SMYD4: variants seen among roughly 807,000 people sequenced by gnomAD.
SMYD4 encodes SET and MYND domain containing 4, also known as protein-lysine N-methyltransferase SMYD4.
Under a neutral mutation model 72.8 loss-of-function variants are expected in SMYD4, and 68 were observed. The observed-to-expected ratio is 0.93, with a 90% CI of 0.77 to 1.14. The LOEUF (loss-of-function observed/expected upper bound fraction) is 1.14. SMYD4 is among the 50% of genes most tolerant of loss of function. The pLI, the probability that SMYD4 is intolerant of heterozygous loss-of-function variation, is 0.00. For synonymous variants in SMYD4, 407 were observed against 388.6 expected, an observed-to-expected ratio of 1.05 and a Z score of -0.56; for missense variants, 984 against 1,003.7, an observed-to-expected ratio of 0.98 and a Z score of 0.27.
chr17:1,824,890 G>T (rs778140875), intron 2 of SMYD4, among the ~76,000 whole-genome samples: 1 of 152,036 alleles, frequency 6.6e-6, no homozygotes, highest in Non-Finnish European at 1.5e-5. Context: ...CTCCCAAAGC[G>T]CTGCGATTAC....
intron 8 of SMYD4, 29 bp downstream of exon 8, chr17:1,784,297 G>T: frequency 6.2e-7 from 1 of 1,613,746 alleles, no homozygotes; most frequent in Non-Finnish European, 8.5e-7. Flanking sequence ...GGAAGGGGCT[G>T]GAGGACCAAA....
At chr17:1,795,866 A>G (rs1397041942) in intron 5 of SMYD4, among the ~76,000 whole-genome samples, 1 of 151,798 alleles carries the variant, frequency 6.6e-6, no homozygotes, top group Non-Finnish European at 1.5e-5. Context: ...ATGTTAAAAA[A>G]TCAGAAAAGT....
chr17:1,821,008 G>C (rs1910858543), intron 2 of SMYD4, among the ~76,000 whole-genome samples: 1 of 152,166 alleles, frequency 6.6e-6, no homozygotes, highest in Non-Finnish European at 1.5e-5. Flanking sequence ...GTATGAATTA[G>C]TGAGAGACAT....
chr17:1,799,408 C>T (rs1445690972), intron 5 of SMYD4, among the ~76,000 whole-genome samples: 1 of 150,182 alleles, frequency 6.7e-6, no homozygotes, highest in Non-Finnish European at 1.5e-5. Flanking sequence ...CTCACTCTGT[C>T]GCCAGGCTGG....
chr17:1,812,072 A>T lies in SMYD4; in HGVS notation c.178T>A (p.Leu60Met), dbSNP rs531137256. The change falls in exon 3 of 11, where the codon TTG becomes ATG. Residue 60 changes from leucine (L) to methionine (M), a missense_variant. By Grantham distance (15) the Leu-to-Met change is conservative. Transcript: ENST00000305513. ...LFLKRLSKGY[L>M]VGKDSDAPLF... The stretch of plus-strand genomic sequence containing the variant: ...GGAGCGTCCGAGTCCTTTCCCACCA[A>T]GTAACCTTTAGAAAGTCTTTTTAGA... 1 of 1,614,130 alleles carries T rather than the reference A, an allele frequency of 6.2e-7. No individual in the cohort carries two copies. The highest frequency in any genetic ancestry group is 1.3e-5 in the African/African-American group (1 of 75,046).
chr17:1,825,792 C>T (rs946262589), intron 2 of SMYD4, among the ~76,000 whole-genome samples: 6 of 151,672 alleles, frequency 4.0e-5, no homozygotes, highest in African/African-American at 1.2e-4. Flanking sequence ...TATGAGCCAC[C>T]GCACCCAACC....
intron 2 of SMYD4, among the ~76,000 whole-genome samples, chr17:1,818,358 T>C (rs1910737022): frequency 6.6e-6 from 1 of 152,144 alleles, no homozygotes; most frequent in Non-Finnish European, 1.5e-5. Flanking sequence ...TATCCACATA[T>C]GCATCATTTT....
chr17:1,801,531 C>T (rs968725229), intron 4 of SMYD4, among the ~76,000 whole-genome samples: 50 of 150,346 alleles, frequency 3.3e-4, no homozygotes, highest in African/African-American at 1.2e-3. Flanking sequence ...TGAGCCACTG[C>T]GCCCAGCCCC....
chr17:1,784,544 T>C (rs376152112), intron 7 of SMYD4, 83 bp from the exon 8 acceptor site: 19 of 1,566,224 alleles, frequency 1.2e-5, no homozygotes, highest in African/African-American at 4.1e-5. Flanking sequence ...GACTGCTCCA[T>C]AGTTTCTTAC....
chr17:1,794,105 A>ATATATATATATATT (rs1291818005), intron 5 of SMYD4, among the ~76,000 whole-genome samples: 2 of 12,992 alleles, frequency 1.5e-4, no homozygotes, highest in African/African-American at 3.6e-4. Context: ...ATATATATAT[A>ATATATATATATATT]TTTTTTTTTT....
intron 4 of SMYD4, among the ~76,000 whole-genome samples, chr17:1,804,000 G>A (rs1909906999): frequency 1.4e-5 from 2 of 146,200 alleles, no homozygotes; most frequent in Admixed American, 1.4e-4. Context: ...CTCAGCCACT[G>A]AAGTAGCTGG....
rs568435589 is a variant in SMYD4 at position 1,808,540 on chromosome 17, T to G, written c.279+3431A>C. Reference sequence around the variant, plus strand: ...ACTTTCCGAAGTAAACATATATTACTTTTACAATCAGACAAAAACAACAAA... The same window carrying G: ...ACTTTCCGAAGTAAACATATATTACGTTTACAATCAGACAAAAACAACAAA... On this transcript the variant is annotated intron_variant, in intron 3 of 10. Transcript: ENST00000305513. 3.3e-5 allele frequency among the ~76,000 whole-genome samples: 5 copies of G among 152,218 alleles called. No individual in the cohort carries two copies. In the South Asian group the frequency reaches 1.0e-3, roughly 32 times the overall value.
chr17:1,815,504 CTTT>C (rs35091572), intron 2 of SMYD4, among the ~76,000 whole-genome samples: 13 of 133,586 alleles, frequency 9.7e-5, no homozygotes, highest in Non-Finnish European at 1.4e-4. Flanking sequence ...CCAGCCGATT[CTTT>C]TTTTTTTTTT....
At chr17:1,786,687 T>C (rs186812359) in intron 7 of SMYD4, 123 bp downstream of exon 7, 3 of 1,152,016 alleles carry the variant, frequency 2.6e-6, no homozygotes, top group East Asian at 4.9e-5. Flanking sequence ...CTGGCTAAAA[T>C]GGAGGTGATA....
rs1908465505 is a variant in SMYD4 at position 1,783,229 on chromosome 17, G to A, written c.2138-71C>T. The stretch of plus-strand genomic sequence containing the variant: ...CTGTGGATGCATATTTTCAGGGGGA[G>A]GAAATGGAACGAGAGGGGGAGCACC... On this transcript the variant is annotated intron_variant, in intron 9 of 10. Transcript: ENST00000305513. 3.1e-6 allele frequency: 5 copies of A among 1,612,586 alleles called. No individual in the cohort carries two copies. The Admixed American group carries it at 5.0e-5, about 16-fold the overall frequency.
chr17:1,803,742 G>A (rs758674616), intron 4 of SMYD4, among the ~76,000 whole-genome samples: 29 of 151,956 alleles, frequency 1.9e-4, no homozygotes, highest in Non-Finnish European at 3.1e-4. Context: ...CAAGTGATCC[G>A]TCTGCCTTGG....
chr17:1,801,122 T>C, intron 4 of SMYD4, 98 bp from the exon 5 acceptor site: 1 of 1,163,982 alleles, frequency 8.6e-7, no homozygotes, highest in Non-Finnish European at 1.2e-6. Flanking sequence ...TTAAGGATTA[T>C]TAAAAAATGG....
At chr17:1,789,245 G>C (rs1423479130) in intron 5 of SMYD4, among the ~76,000 whole-genome samples, 1 of 152,040 alleles carries the variant, frequency 6.6e-6, no homozygotes, top group Non-Finnish European at 1.5e-5. Flanking sequence ...AAAATTAGCT[G>C]GGCATGGTGG....
chr17:1,784,617 TG>T, intron 7 of SMYD4, 156 bp from the exon 8 acceptor site: 10 of 978,592 alleles, frequency 1.0e-5, no homozygotes, highest in Non-Finnish European at 1.2e-5. Context: ...GAATTTTGTT[TG>T]ATGGCGGCAA....
Sources: gnomAD v4.1 joint callset for allele counts (sites outside exome capture counted in the v4.1 genomes callset) on GRCh38, gnomAD v4.1.1 for gene constraint, MANE v1.5 for transcripts, NCBI Gene and HGNC (gene_info 2026-07-23, HGNC 2026-07-21) for gene names.